The following IL23R variants were observed in gnomAD, a reference collection of about 807,000 sequenced individuals.
The protein encoded by IL23R is interleukin-23 receptor.
In IL23R, 34 loss-of-function variants were observed where a neutral mutation model predicts 56.9. The ratio of observed to expected loss-of-function variants is 0.60; its 90% CI spans 0.45 to 0.80. IL23R has a LOEUF of 0.80. Among genes scored for constraint, IL23R ranks in the 30% least tolerant of loss-of-function variants. IL23R has a pLI of 0.00. For missense variants in IL23R, 635 were observed against 730.0 expected (o/e 0.87, Z 1.50); for synonymous variants, 230 against 249.2 (o/e 0.92, Z 0.73).
intron 9 of IL23R, among the ~76,000 whole-genome samples, chr1:67,240,886 C>T (rs1311527552): frequency 6.6e-6 from 1 of 152,060 alleles, no homozygotes; most frequent in African/African-American, 2.4e-5. Flanking sequence ...GGTACAGAAA[C>T]AGCTGGATAG....
At chr1:67,224,821 A>T (rs1013915446) in intron 7 of IL23R, among the ~76,000 whole-genome samples, 1 of 152,258 alleles carries the variant, frequency 6.6e-6, no homozygotes, top group Non-Finnish European at 1.5e-5. Context: ...TGACTTCAGG[A>T]TAATAAATAA....
In IL23R at chr1:67,224,617, G is replaced by A. The variant is rs146121750; in HGVS notation, c.955+4887G>A. 3.4e-3 allele frequency among the ~76,000 whole-genome samples: 520 copies of A among 152,246 alleles called. 3 individuals are homozygous for A. The highest frequency in any genetic ancestry group is 0.012 in the African/African-American group (487 of 41,534). ...GCCTGGCTTGGCCATTAAAAACCTG[G>A]TCTCAAAAATGAACCAAACCAACTC... is the stretch of plus-strand genomic sequence containing the variant. On this transcript the variant is annotated intron_variant, in intron 7 of 10. Transcript: ENST00000347310.
chr1:67,171,749 T>A (rs1429526713), intron 3 of IL23R, among the ~76,000 whole-genome samples: 1 of 152,146 alleles, frequency 6.6e-6, no homozygotes, highest in Non-Finnish European at 1.5e-5. Context: ...TTTGGTTTGG[T>A]ATGTGGGGGC....
chr1:67,247,918 CT>C (rs2100357037), intron 9 of IL23R, among the ~76,000 whole-genome samples: 1 of 152,276 alleles, frequency 6.6e-6, no homozygotes, highest in Non-Finnish European at 1.5e-5. Flanking sequence ...AAATTCTTTC[CT>C]TTAAGAATGT....
At chr1:67,197,169 A>T (rs1225822919) in intron 4 of IL23R, among the ~76,000 whole-genome samples, 1 of 152,168 alleles carries the variant, frequency 6.6e-6, no homozygotes, top group Non-Finnish European at 1.5e-5. Context: ...GCCACTAAGT[A>T]GGTGTGAGAG....
At chr1:67,205,933 C>CTTTTTCTTTT (rs1553291089) in intron 5 of IL23R, among the ~76,000 whole-genome samples, 2 of 137,998 alleles carry the variant, frequency 1.4e-5, no homozygotes, top group East Asian at 4.2e-4. Context: ...CTTTTTCTTT[C>CTTTTTCTTTT]TTTCTTTCTC....
chr1:67,183,094 T>C, intron 4 of IL23R, 135 bp downstream of exon 4: 3 of 1,044,200 alleles, frequency 2.9e-6, no homozygotes, highest in Non-Finnish European at 4.3e-6. Context: ...TTCCTACTTA[T>C]GATCAGTGAA....
At chr1:67,225,838 G>A (rs890126861) in intron 7 of IL23R, among the ~76,000 whole-genome samples, 1 of 152,168 alleles carries the variant, frequency 6.6e-6, no homozygotes, top group Non-Finnish European at 1.5e-5. Flanking sequence ...TTAAAGTACA[G>A]ATTCCTGAGC....
At chr1:67,206,809 C>A in intron 5 of IL23R, 101 bp from the exon 6 acceptor site, 5 of 1,219,550 alleles carry the variant, frequency 4.1e-6, no homozygotes, top group East Asian at 2.6e-5. Context: ...TTTTTTTTTA[C>A]TTTGAGCTTT....
chr1:67,168,313 A>G, intron 2 of IL23R, 123 bp downstream of exon 2: 3 of 800,628 alleles, frequency 3.7e-6, no homozygotes, highest in Non-Finnish European at 6.5e-6. Context: ...ACTAGAAAAA[A>G]TGTGTGCATA....
chr1:67,223,900 G>A (rs1650451693), intron 7 of IL23R, among the ~76,000 whole-genome samples: 1 of 151,536 alleles, frequency 6.6e-6, no homozygotes, highest in South Asian at 2.1e-4. Context: ...TATTCCTTTA[G>A]TTCTAAAGAA....
At chr1:67,208,188 G>A (rs1649215055) in intron 6 of IL23R, among the ~76,000 whole-genome samples, 1 of 152,206 alleles carries the variant, frequency 6.6e-6, no homozygotes, top group Non-Finnish European at 1.5e-5. Context: ...TACTATTAAA[G>A]GCATTCAGTT....
chr1:67,179,156 CT>C (rs1647054116), intron 3 of IL23R, among the ~76,000 whole-genome samples: 1 of 152,162 alleles, frequency 6.6e-6, no homozygotes, highest in Non-Finnish European at 1.5e-5. Flanking sequence ...AGGATTCCCT[CT>C]TTTTCTATTG....
chr1:67,240,102 G>A, intron 8 of IL23R, 77 bp from the exon 9 acceptor site: 1 of 1,047,142 alleles, frequency 9.5e-7, no homozygotes, highest in East Asian at 2.4e-5. Context: ...GCTTTGAGCA[G>A]AGTAAAGAGA....
At chr1:67,224,925 A>G (rs1225825123) in intron 7 of IL23R, among the ~76,000 whole-genome samples, 1 of 152,212 alleles carries the variant, frequency 6.6e-6, no homozygotes, top group Non-Finnish European at 1.5e-5. Flanking sequence ...CTGCAGCTCT[A>G]TAAAAGGAGT....
chr1:67,203,613 A>G (rs1475795032), intron 5 of IL23R, among the ~76,000 whole-genome samples: 1 of 152,204 alleles, frequency 6.6e-6, no homozygotes, highest in African/African-American at 2.4e-5. Flanking sequence ...TTAATTGTAT[A>G]GGAGGCCCCA....
chr1:67,210,010 G>A, intron 6 of IL23R, among the ~76,000 whole-genome samples: 1 of 152,170 alleles, frequency 6.6e-6, no homozygotes, highest in East Asian at 1.9e-4. Context: ...AACAAAAATT[G>A]TTCGGAAAGG....
intron 1 of IL23R, among the ~76,000 whole-genome samples, chr1:67,148,351 G>T (rs1646700518): frequency 1.3e-5 from 2 of 152,238 alleles, no homozygotes; most frequent in African/African-American, 4.8e-5. Flanking sequence ...GAAGGGGAGG[G>T]GACCCAAAGG....
At chr1:67,204,061 A>T (rs1477104380) in intron 5 of IL23R, among the ~76,000 whole-genome samples, 1 of 152,126 alleles carries the variant, frequency 6.6e-6, no homozygotes, top group Non-Finnish European at 1.5e-5. Flanking sequence ...AATAAAATTG[A>T]TACTTTTTTT....
Sources: gnomAD v4.1 joint callset for allele counts (sites outside exome capture counted in the v4.1 genomes callset) on GRCh38, gnomAD v4.1.1 for gene constraint, MANE v1.5 for transcripts, NCBI Gene and HGNC (gene_info 2026-07-23, HGNC 2026-07-21) for gene names.